Variants in RBM27 observed in about 807,000 individuals in gnomAD.
RBM27 encodes RNA-binding protein 27.
RBM27 carries 22 observed loss-of-function variants against 135.3 expected under a neutral mutation model. That is an observed-to-expected ratio of 0.16 (90% CI 0.12 to 0.23). The LOEUF (loss-of-function observed/expected upper bound fraction) is 0.23. Among genes scored for constraint, RBM27 ranks in the 10% least tolerant of loss-of-function variants. RBM27 has a pLI of 1.00. For synonymous variants in RBM27, 481 were observed against 442.4 expected (o/e 1.09, Z -1.10); for missense variants, 1,009 against 1,281.0 (o/e 0.79, Z 3.24).
rs780353944 is a variant in RBM27 at position 146,269,579 on chromosome 5, A to G, written c.2686A>G (p.Thr896Ala). The G allele has an allele frequency of 6.5e-7, 1 of 1,533,080 alleles. No homozygotes were observed. Among genetic ancestry groups the G allele is most frequent in the Non-Finnish European group, 8.7e-7 (1 of 1,149,482 alleles). The allele number at this position is 1,533,080 out of a possible 1,614,324, so 95.0% of individuals were successfully genotyped here. ...CACACCATCTAAAGTGAAGACAAAA[A>G]CGGAGGTATCTATTTGCATTTTTTA... ...VSTPSKVKTK[T>A]EAQKELLDTE... Residue 896 changes from threonine (T) to alanine (A), a missense_variant, in exon 17 of 21, where the codon ACG becomes GCG. Physicochemically the swap from Thr to Ala is moderately conservative, Grantham distance 58 (BLOSUM62 0). Around this residue, in one of 6 missense-constraint regions of RBM27, gnomAD observed 355 missense variants for 427.3 expected, o/e 0.83. Transcript: ENST00000265271.
chr5:146,273,993 A>G (rs372512087), intron 19 of RBM27, among the ~76,000 whole-genome samples: 5 of 151,944 alleles, frequency 3.3e-5, no homozygotes, highest in East Asian at 3.9e-4. Flanking sequence ...TTAAAAATGT[A>G]TTTTTTTTGA....
At chr5:146,208,329 A>G (rs916944465) in intron 1 of RBM27, among the ~76,000 whole-genome samples, 1 of 152,180 alleles carries the variant, frequency 6.6e-6, no homozygotes, top group Admixed American at 6.5e-5. Context: ...GTCATGGGCT[A>G]TTAGAGCTTA....
chr5:146,280,849 G>C (rs1429628851), intron 19 of RBM27, among the ~76,000 whole-genome samples: 1 of 140,672 alleles, frequency 7.1e-6, no homozygotes, highest in African/African-American at 2.5e-5. Context: ...CAGTCTATTT[G>C]TTTTATTTAT....
chr5:146,238,270 A>C (rs2126778470), intron 8 of RBM27, among the ~76,000 whole-genome samples: 1 of 152,224 alleles, frequency 6.6e-6, no homozygotes, highest in African/African-American at 2.4e-5. Context: ...GCACTTTGGG[A>C]GGCCTGGGTG....
chr5:146,276,373 T>C (rs1051657945), intron 19 of RBM27, among the ~76,000 whole-genome samples: 8 of 152,230 alleles, frequency 5.3e-5, no homozygotes, highest in African/African-American at 1.9e-4. Context: ...ATCTCTAAAG[T>C]ACTGTTTAGA....
chr5:146,227,856 A>G (rs1436955668), intron 3 of RBM27, among the ~76,000 whole-genome samples: 1 of 152,142 alleles, frequency 6.6e-6, no homozygotes, highest in African/African-American at 2.4e-5. Context: ...TTCCAATACC[A>G]TTTTTCCATA....
chr5:146,268,179 A>G (rs1302946456), intron 15 of RBM27, among the ~76,000 whole-genome samples: 1 of 152,118 alleles, frequency 6.6e-6, no homozygotes, highest in Non-Finnish European at 1.5e-5. Flanking sequence ...TAGAGATTTA[A>G]CAGGAGGGTG....
intron 6 of RBM27, among the ~76,000 whole-genome samples, chr5:146,231,258 C>A (rs1561535515): frequency 6.6e-6 from 1 of 152,172 alleles, no homozygotes; most frequent in Non-Finnish European, 1.5e-5. Context: ...GCATGTGCCA[C>A]CATGCCTGGC....
At chr5:146,240,770 T>A (rs755350191) in intron 8 of RBM27, among the ~76,000 whole-genome samples, 21 of 152,256 alleles carry the variant, frequency 1.4e-4, no homozygotes, top group Admixed American at 2.0e-4. Context: ...GAAATCACAT[T>A]TGATACTTAA....
At chr5:146,259,929 C>T (rs1255267729) in intron 11 of RBM27, among the ~76,000 whole-genome samples, 6 of 135,888 alleles carry the variant, frequency 4.4e-5, no homozygotes, top group Admixed American at 2.5e-4. Context: ...GCCGAGATTG[C>T]GCCACTGCAG....
intron 3 of RBM27, 135 bp downstream of exon 3, chr5:146,223,662 T>C (rs765381875): frequency 8.1e-6 from 8 of 982,360 alleles, no homozygotes; most frequent in Non-Finnish European, 1.1e-5. Context: ...GTACAGATTC[T>C]TCATCAGGAT....
intron 3 of RBM27, among the ~76,000 whole-genome samples, chr5:146,227,977 A>G (rs1454878409): frequency 1.3e-5 from 2 of 152,206 alleles, no homozygotes; most frequent in East Asian, 1.9e-4. Flanking sequence ...ATGTATGTAT[A>G]TATATTTCAT....
chr5:146,248,305 A>G (rs774742933), intron 8 of RBM27, among the ~76,000 whole-genome samples: 3 of 150,018 alleles, frequency 2.0e-5, no homozygotes, highest in Non-Finnish European at 4.4e-5. Context: ...AGGACAAGGT[A>G]TACTAAGGTG....
Position 146,289,139 on chromosome 5 carries a change from AAAAG to A in RBM27, c.*3113_*3116del, listed in dbSNP as rs1223964076. On this transcript the variant is annotated 3_prime_UTR_variant, in exon 21 of 21. Coordinates refer to ENST00000265271, the MANE Select transcript of RBM27 (RefSeq NM_018989.2). The stretch of plus-strand genomic sequence containing the variant: ...TGGAATGGTTCACAATTGGAAAAAA[AAAAG>A]AAAAAAGATGAAAGTATTACAAATT... The A allele has an allele frequency of 2.0e-5, 3 of 152,092 alleles. No homozygotes were observed. The highest frequency in any genetic ancestry group is 4.4e-5 in the Non-Finnish European group (3 of 67,960). 9.4% of individuals were successfully genotyped at this position (152,092 alleles called of 1,614,324 possible). A position where few individuals can be genotyped will look rare whatever the true frequency, so the allele number is the denominator to read the frequency against.
At chr5:146,257,548 AT>A (rs1395755183) in intron 10 of RBM27, among the ~76,000 whole-genome samples, 1 of 152,066 alleles carries the variant, frequency 6.6e-6, no homozygotes, top group Non-Finnish European at 1.5e-5. Context: ...CTCCACTCAC[AT>A]TTTTTTGTTG....
intron 3 of RBM27, among the ~76,000 whole-genome samples, chr5:146,225,180 T>A (rs1756618736): frequency 6.6e-6 from 1 of 152,218 alleles, no homozygotes; most frequent in Admixed American, 6.5e-5. Flanking sequence ...CAGGCTGGTC[T>A]TGAACTCCTG....
chr5:146,227,926 G>A (rs1472930492), intron 3 of RBM27, among the ~76,000 whole-genome samples: 1 of 151,872 alleles, frequency 6.6e-6, no homozygotes, highest in African/African-American at 2.4e-5. Flanking sequence ...TTCCTAAAAC[G>A]TTTCCTATGG....
chr5:146,265,035 A>T (rs1758556223), intron 14 of RBM27, among the ~76,000 whole-genome samples: 1 of 152,212 alleles, frequency 6.6e-6, no homozygotes, highest in Non-Finnish European at 1.5e-5. Flanking sequence ...GAAATTTGGC[A>T]GTACAGTATC....
At chr5:146,236,714 C>T (rs1159467193) in intron 7 of RBM27, among the ~76,000 whole-genome samples, 2 of 151,942 alleles carry the variant, frequency 1.3e-5, no homozygotes, top group Non-Finnish European at 2.9e-5. Flanking sequence ...GCCTCCACCT[C>T]CCATGTTCAA....
Sources: allele counts gnomAD v4.1 joint callset (sites outside exome capture counted in the v4.1 genomes callset), GRCh38; gene constraint gnomAD v4.1.1; regional missense constraint gnomAD v4.1.1; transcripts MANE v1.5; gene names NCBI Gene and HGNC (gene_info 2026-07-23, HGNC 2026-07-21).